Variants in SHANK2 observed in about 807,000 individuals in gnomAD.
SHANK2 encodes SH3 and multiple ankyrin repeat domains 2, also known as SH3 and multiple ankyrin repeat domains protein 2.
SHANK2 carries 43 observed loss-of-function variants against 133.7 expected under a neutral mutation model. The ratio of observed to expected loss-of-function variants is 0.32; its 90% CI spans 0.25 to 0.41. The LOEUF (loss-of-function observed/expected upper bound fraction) is 0.41, where lower values mean the gene tolerates loss of function less well. Among genes scored for constraint, SHANK2 ranks in the 10% least tolerant of loss-of-function variants. The pLI, the probability that SHANK2 is intolerant of heterozygous loss-of-function variation, is 1.00. For missense variants in SHANK2, 1,994 were observed against 2,235.8 expected (o/e 0.89, Z 2.18); for synonymous variants, 1,017 against 952.8 (o/e 1.07, Z -1.24).
At chr11:70,862,952 C>G in intron 11 of SHANK2, 1 of 281,858 alleles carries the variant, frequency 3.5e-6, no homozygotes, top group Non-Finnish European at 7.0e-6. Context: ...CAGCAGGAGA[C>G]AAGCCGCCTT....
chr11:70,582,113 C>G (rs782249726), intron 17 of SHANK2, among the ~76,000 whole-genome samples: 23 of 152,202 alleles, frequency 1.5e-4, no homozygotes, highest in African/African-American at 2.2e-4. Flanking sequence ...CCTGGGGAGA[C>G]AGCAGACAGA....
At chr11:70,713,759 C>T (rs1945848090) in intron 14 of SHANK2, among the ~76,000 whole-genome samples, 1 of 152,180 alleles carries the variant, frequency 6.6e-6, no homozygotes, top group South Asian at 2.1e-4. Context: ...CCTTTTCCAC[C>T]ATCCGTCATG....
intron 11 of SHANK2, among the ~76,000 whole-genome samples, chr11:70,865,797 T>C (rs1949347765): frequency 6.6e-6 from 1 of 152,198 alleles, no homozygotes; most frequent in Non-Finnish European, 1.5e-5. Flanking sequence ...CATTCATTCA[T>C]TCACTCACTC....
intron 1 of SHANK2, among the ~76,000 whole-genome samples, chr11:71,243,543 A>T (rs1050231540): frequency 7.2e-5 from 11 of 152,092 alleles, no homozygotes; most frequent in Non-Finnish European, 1.6e-4. Context: ...AAATACAAAA[A>T]AATTAGTTGG....
chr11:70,478,933 C>T (rs2058698640), intron 25 of SHANK2, among the ~76,000 whole-genome samples: 1 of 152,202 alleles, frequency 6.6e-6, no homozygotes, highest in Non-Finnish European at 1.5e-5. Flanking sequence ...AGGAGGTTCG[C>T]AGCTAAGATC....
intron 11 of SHANK2, among the ~76,000 whole-genome samples, chr11:70,854,027 G>A (rs77344427): frequency 6.6e-4 from 100 of 152,318 alleles, no homozygotes; most frequent in Middle Eastern, 3.4e-3. Flanking sequence ...TGAGGTTCAA[G>A]TTGGACATGA....
intron 5 of SHANK2, among the ~76,000 whole-genome samples, chr11:71,111,816 G>A (rs1208338725): frequency 3.9e-5 from 6 of 152,168 alleles, no homozygotes; most frequent in Non-Finnish European, 7.3e-5. Context: ...TCACAAATAC[G>A]TTTTTATCTG....
chr11:70,807,182 T>C lies in SHANK2; in HGVS notation c.1494-11A>G. 1.4e-6 allele frequency: 1 copy of C among 715,202 alleles called. No individual in the cohort carries two copies. The allele number at this position is 715,202 out of a possible 1,614,324, so 44.3% of individuals were successfully genotyped here. On this transcript the variant is annotated splice_polypyrimidine_tract_variant and intron_variant, in intron 12 of 25. Transcript: ENST00000601538. The surrounding 1 kb of genome is among the most constrained non-coding windows in gnomAD (Gnocchi z 4.8). ...AGAGCAAAAGGCGACCTGGACCAGG[T>C]GAGAGGGGCAGAGAGAGAGAGAGCA...
At chr11:70,523,236 TCA>T (rs1159742051) in intron 17 of SHANK2, among the ~76,000 whole-genome samples, 1 of 152,194 alleles carries the variant, frequency 6.6e-6, no homozygotes, top group East Asian at 1.9e-4. Context: ...GAGGCTGGCC[TCA>T]CACCTCAATG....
rs575239812 is a variant in SHANK2 at position 70,684,761 on chromosome 11, C to T, written c.1853+13927G>A. ...CACACTCAGGGCCAGGGACAGTGCC[C>T]CTGGCCCTGCCAATCCAGTGAGCGT... is the stretch of plus-strand genomic sequence containing the variant. On this transcript the variant is annotated intron_variant, in intron 15 of 25. Transcript: ENST00000601538. Among the ~76,000 whole-genome samples the T allele has an allele frequency of 1.8e-4, 28 of 152,006 alleles. 1 individual carries two copies. Among genetic ancestry groups the T allele is most frequent in the African/African-American group, 5.3e-4 (22 of 41,488 alleles).
rs1205661632 is a variant in SHANK2 at position 70,804,351 on chromosome 11, C to T, written c.1663+2651G>A. ...CCGACAGCTCGGCAGGAAGGAAGAG[C>T]GGTGCCACTGGCAGCAGGAAGGGGC... On this transcript the variant is annotated intron_variant, in intron 13 of 25. Transcript: ENST00000601538. The surrounding 1 kb of genome is among the most constrained non-coding windows in gnomAD (Gnocchi z 4.1). Among the ~76,000 whole-genome samples the T allele has an allele frequency of 1.3e-5, 2 of 152,222 alleles. No individual in the cohort carries two copies. The highest frequency in any genetic ancestry group is 1.3e-4 in the Admixed American group (2 of 15,288).
At chr11:70,629,578 G>A (rs774475961) in intron 17 of SHANK2, among the ~76,000 whole-genome samples, 48 of 152,050 alleles carry the variant, frequency 3.2e-4, no homozygotes, top group Non-Finnish European at 4.3e-4. Context: ...GCAAACACTG[G>A]GGACTCCAGC....
At chr11:70,820,802 G>A (rs1030059845) in intron 11 of SHANK2, 120 bp from the exon 12 acceptor site, 2 of 563,264 alleles carry the variant, frequency 3.6e-6, no homozygotes, top group Non-Finnish European at 6.3e-6. Context: ...CCCAGCAGAG[G>A]GGAGCTGTGA....
chr11:71,178,548 G>A (rs1429308649), intron 2 of SHANK2, among the ~76,000 whole-genome samples: 2 of 152,158 alleles, frequency 1.3e-5, no homozygotes, highest in Admixed American at 1.3e-4. Flanking sequence ...ATACCACTGA[G>A]TCGTACACTC....
intron 2 of SHANK2, among the ~76,000 whole-genome samples, chr11:71,163,416 G>C (rs190413345): frequency 6.6e-6 from 1 of 152,176 alleles, no homozygotes. Flanking sequence ...ATGTGCTTGT[G>C]GGGGGATCTC....
intron 4 of SHANK2, among the ~76,000 whole-genome samples, chr11:71,116,504 G>A (rs1555100390): frequency 1.3e-5 from 2 of 152,238 alleles, no homozygotes; most frequent in African/African-American, 4.8e-5. Context: ...GCCACTTCTG[G>A]AGGGAGGCCC....
intron 10 of SHANK2, among the ~76,000 whole-genome samples, chr11:70,941,134 A>G (rs1950641407): frequency 6.6e-6 from 1 of 152,164 alleles, no homozygotes; most frequent in African/African-American, 2.4e-5. Flanking sequence ...TAATATTTAA[A>G]CATGCAGAAC....
chr11:70,553,945 A>G (rs1243464700), intron 17 of SHANK2, among the ~76,000 whole-genome samples: 1 of 152,224 alleles, frequency 6.6e-6, no homozygotes, highest in African/African-American at 2.4e-5. Flanking sequence ...AGAAGAGGCT[A>G]CAGGCCTGGT....
intron 10 of SHANK2, among the ~76,000 whole-genome samples, chr11:70,910,467 C>A (rs1421942160): frequency 6.6e-6 from 1 of 152,148 alleles, no homozygotes; most frequent in Non-Finnish European, 1.5e-5. Flanking sequence ...CACTGCCTCT[C>A]CCATCCCCAT....
Sources: allele counts gnomAD v4.1 joint callset (sites outside exome capture counted in the v4.1 genomes callset), GRCh38; gene constraint gnomAD v4.1.1; non-coding constraint Gnocchi (gnomAD v3.1); transcripts MANE v1.5; gene names NCBI Gene and HGNC (gene_info 2026-07-23, HGNC 2026-07-21).